The following RPLP2 variants were observed in gnomAD, a reference collection of about 807,000 sequenced individuals.
RPLP2 encodes large ribosomal subunit protein P2.
A neutral mutation model predicts 11.5 loss-of-function variants in RPLP2; 1 was observed. The observed-to-expected ratio is 0.09, with a 90% CI of 0.03 to 0.41. The LOEUF (loss-of-function observed/expected upper bound fraction) is 0.41. RPLP2 is among the 10% of genes least tolerant of loss of function. The probability of loss-of-function intolerance (pLI) is 0.98; values close to 1 mark genes in which losing one functional copy is unlikely to be tolerated. For synonymous variants in RPLP2, 82 were observed against 55.9 expected (o/e 1.47, Z -2.08); for missense variants, 177 against 145.6 (o/e 1.22, Z -1.11).
intron 2 of RPLP2, chr11:811,368 G>C (rs1182328176): frequency 5.1e-6 from 3 of 587,178 alleles, no homozygotes; most frequent in Non-Finnish European, 9.1e-6. Context: ...CATAAGTAGT[G>C]AGATGCCCTG....
At chr11:811,175 CAAT>C (rs944007428) in intron 2 of RPLP2, among the ~76,000 whole-genome samples, 3 of 152,014 alleles carry the variant, frequency 2.0e-5, no homozygotes, top group Non-Finnish European at 4.4e-5. Context: ...CTCTAAAATA[CAAT>C]AAAAAATTAG....
At chr11:811,679 C>T (rs749526172) in intron 3 of RPLP2, 34 bp downstream of exon 3, 2 of 1,614,010 alleles carry the variant, frequency 1.2e-6, no homozygotes, top group Non-Finnish European at 1.7e-6. Context: ...CGTTTGTTTT[C>T]ATGGTCCATC....
Position 812,648 on chromosome 11 carries a change from G to C in RPLP2, c.271+15G>C. The C allele has an allele frequency of 1.9e-6, 3 of 1,611,086 alleles. No individual in the cohort carries two copies. The highest frequency in any genetic ancestry group is 2.5e-6 in the Non-Finnish European group (3 of 1,179,920). On this transcript the variant is annotated intron_variant, in intron 4 of 4. Coordinates refer to ENST00000321153, the MANE Select transcript of RPLP2 (RefSeq NM_001004.4). ...CCCTGCTGCAGGTAAGTGGTGGCCT[G>C]GTGAGTGGGCAAGGGGCTGGGGCTC...
rs1424346614 is a variant in RPLP2 at position 811,625 on chromosome 11, T to G, written c.152T>G (p.Ile51Ser). The change falls in exon 3 of 5, where the codon ATT becomes AGT. Residue 51 changes from isoleucine (I) to serine (S), a missense_variant. By Grantham distance (142) the Ile-to-Ser change is moderately radical. Transcript: ENST00000321153. The part of the protein sequence containing the change: ...KVISELNGKN[I>S]EDVIAQGIGK... ...ATCAGTGAGCTGAATGGAAAAAACA[T>G]TGAAGACGTCATTGCCCAGGGTGAG... The G allele has an allele frequency of 6.2e-7, 1 of 1,614,254 alleles. No individual in the cohort carries two copies. The highest frequency in any genetic ancestry group is 2.2e-5 in the East Asian group (1 of 44,896).
At chr11:811,882 C>T (rs879135366) in intron 3 of RPLP2, 50 of 742,820 alleles carry the variant, frequency 6.7e-5, no homozygotes, top group South Asian at 5.1e-4. Flanking sequence ...GCCTCTTAAG[C>T]CTGACTGCTC....
intron 2 of RPLP2, chr11:811,346 A>T: frequency 1.8e-6 from 1 of 561,726 alleles, no homozygotes; most frequent in South Asian, 2.1e-5. Flanking sequence ...GAAGATACCT[A>T]TGAGTAGTCA....
intron 2 of RPLP2, 191 bp downstream of exon 2, chr11:810,548 C>T (rs1490718272): frequency 8.4e-6 from 4 of 474,904 alleles, no homozygotes; most frequent in African/African-American, 4.1e-5. Flanking sequence ...AGTCCCAGTA[C>T]TTTGGGAGGA....
chr11:810,218 T>C lies in RPLP2; in HGVS notation c.-1-16T>C, dbSNP rs780607024. 4.6e-6 allele frequency: 7 copies of C among 1,525,710 alleles called. No homozygotes were observed. In the South Asian group the frequency reaches 8.5e-5, roughly 19 times the overall value. The allele number at this position is 1,525,710 out of a possible 1,614,324, so 94.5% of individuals were successfully genotyped here. A position where few individuals can be genotyped will look rare whatever the true frequency, so the allele number is the denominator to read the frequency against. On this transcript the variant is annotated splice_polypyrimidine_tract_variant and intron_variant, in intron 1 of 4. Coordinates refer to ENST00000321153, the MANE Select transcript of RPLP2 (RefSeq NM_001004.4). ...CCGGGGTAACTCCGCCGTCGCGTCCTCTCCGCCCGCCTCAGGATGCGCTAC... is the reference window on the plus strand; with the variant it reads ...CCGGGGTAACTCCGCCGTCGCGTCCCCTCCGCCCGCCTCAGGATGCGCTAC...
At chr11:811,566 C>G in intron 2 of RPLP2, 31 bp from the exon 3 acceptor site, 3 of 1,614,016 alleles carry the variant, frequency 1.9e-6, no homozygotes, top group Non-Finnish European at 2.5e-6. Context: ...TCGTACATTC[C>G]TGGTAACAGC....
At chr11:811,504 T>TGGG (rs1221541128) in intron 2 of RPLP2, 93 bp from the exon 3 acceptor site, 2 of 1,513,444 alleles carry the variant, frequency 1.3e-6, no homozygotes, top group Non-Finnish European at 1.8e-6. Flanking sequence ...TATTCCCATG[T>TGGG]GGGGAACCCA....
At chr11:811,530 T>C (rs1866060537) in intron 2 of RPLP2, 67 bp from the exon 3 acceptor site, 1 of 1,600,694 alleles carries the variant, frequency 6.2e-7, no homozygotes, top group Non-Finnish European at 8.6e-7. Flanking sequence ...GCTGTGACTC[T>C]GGGAGGGAGA....
At chr11:811,336 G>A in intron 2 of RPLP2, 1 of 542,470 alleles carries the variant, frequency 1.8e-6, no homozygotes, top group Non-Finnish European at 3.3e-6. Context: ...TGCCAGTGTT[G>A]AAGATACCTA....
rs776315521 is a variant in RPLP2, at chr11:810,291, C to T, written c.57C>T (p.Ser19=). The change falls in exon 2 of 5, where the codon AGC becomes AGT. Residue 19 remains serine, a synonymous_variant. Transcript: ENST00000321153. ...CCCTAGGGGGCAACTCCTCCCCCAG[C>T]GCCAAGGACATCAAGAAGATCTTGG... ...LAALGGNSSP[S]AKDIKKILDS... 14 of 1,608,642 alleles carry T rather than the reference C, an allele frequency of 8.7e-6. No individual in the cohort carries two copies. The highest frequency in any genetic ancestry group is 3.3e-5 in the Admixed American group (2 of 59,744).
rs1845428825 is a variant in RPLP2, at chr11:812,872, A to C, written c.*36A>C. 5 of 1,604,972 alleles carry C rather than the reference A, an allele frequency of 3.1e-6. No homozygotes were observed. The highest frequency in any genetic ancestry group is 2.2e-5 in the East Asian group (1 of 44,834). ...CCCTGCAAATAAAGCCTTTTTACAC[A>C]TCTCTCAAGTATTCCATGAGCACTT... On this transcript the variant is annotated 3_prime_UTR_variant, in exon 5 of 5. Transcript: ENST00000321153.
chr11:810,457 A>G, intron 2 of RPLP2, 100 bp downstream of exon 2: 1 of 1,231,368 alleles, frequency 8.1e-7, no homozygotes, highest in Non-Finnish European at 1.1e-6. Context: ...GTTCGGGGAG[A>G]GGCTCGTTTC....
At chr11:812,346 TG>T in intron 3 of RPLP2, 188 bp from the exon 4 acceptor site, 1 of 698,948 alleles carries the variant, frequency 1.4e-6, no homozygotes, top group Non-Finnish European at 2.4e-6. Flanking sequence ...ATAGGAAAGG[TG>T]GGGAAGAGAA....
chr11:812,082 G>T, intron 3 of RPLP2: 1 of 379,048 alleles, frequency 2.6e-6, no homozygotes, highest in Non-Finnish European at 5.0e-6. Context: ...AGCTGAGCTG[G>T]TGGAACTTGT....
rs1360261783 is a variant in RPLP2 at position 812,651 on chromosome 11, G to A, written c.271+18G>A. 6.2e-7 allele frequency: 1 copy of A among 1,611,204 alleles called. No homozygotes were observed. Among genetic ancestry groups the A allele is most frequent in the Admixed American group, 1.7e-5 (1 of 60,020 alleles). ...TGCTGCAGGTAAGTGGTGGCCTGGT[G>A]AGTGGGCAAGGGGCTGGGGCTCAGA... On this transcript the variant is annotated intron_variant, in intron 4 of 4. Transcript: ENST00000321153.
rs1866061036 is a variant in RPLP2, at chr11:811,543, GC to G, written c.124-52del. 12 of 1,609,520 alleles carry G rather than the reference GC, an allele frequency of 7.5e-6. No individual in the cohort carries two copies. In the East Asian group the frequency reaches 2.7e-4, roughly 36 times the overall value. On this transcript the variant is annotated intron_variant, in intron 2 of 4. Coordinates refer to ENST00000321153, the MANE Select transcript of RPLP2 (RefSeq NM_001004.4). The stretch of plus-strand genomic sequence containing the variant: ...CTGCTGTGACTCTGGGAGGGAGAGG[GC>G]CGGGGATACAATCGTACATTCCTGG...
Sources: gnomAD v4.1 joint callset for allele counts (sites outside exome capture counted in the v4.1 genomes callset) on GRCh38, gnomAD v4.1.1 for gene constraint, MANE v1.5 for transcripts, NCBI Gene and HGNC (gene_info 2026-07-23, HGNC 2026-07-21) for gene names.